Variants in ANKS1B observed in about 807,000 individuals in gnomAD.
ANKS1B encodes ankyrin repeat and sterile alpha motif domain-containing protein 1B.
A neutral mutation model predicts 148.3 loss-of-function variants in ANKS1B; 36 were observed. The observed-to-expected ratio is 0.24, with a 90% CI of 0.19 to 0.32. ANKS1B has a LOEUF of 0.32. Among genes scored for constraint, ANKS1B ranks in the 10% least tolerant of loss-of-function variants. The pLI is 1.00. For missense variants in ANKS1B, 1,157 were observed against 1,542.6 expected, an observed-to-expected ratio of 0.75 and a Z score of 4.19; for synonymous variants, 542 against 560.8, an observed-to-expected ratio of 0.97 and a Z score of 0.47.
At chr12:99,745,800 C>T (rs1381664339) in intron 8 of ANKS1B, among the ~76,000 whole-genome samples, 3 of 151,476 alleles carry the variant, frequency 2.0e-5, no homozygotes, top group Admixed American at 1.3e-4. Context: ...ATAAATTCAC[C>T]TTTCATATTA....
chr12:99,780,427 C>A (rs1043406141), intron 5 of ANKS1B, among the ~76,000 whole-genome samples: 1 of 148,316 alleles, frequency 6.7e-6, no homozygotes, highest in Non-Finnish European at 1.5e-5. Flanking sequence ...AGGTGCCCAC[C>A]ACCATGCCCA....
At chr12:99,684,893 G>T (rs1353857829) in intron 8 of ANKS1B, among the ~76,000 whole-genome samples, 1 of 151,538 alleles carries the variant, frequency 6.6e-6, no homozygotes, top group African/African-American at 2.4e-5. Context: ...AATGAAACTG[G>T]ATCCTCATCT....
chr12:99,753,016 T>TA (rs2061253231), intron 8 of ANKS1B, among the ~76,000 whole-genome samples: 6 of 152,150 alleles, frequency 3.9e-5, no homozygotes, highest in Admixed American at 3.9e-4. Flanking sequence ...GATTCATTGT[T>TA]AAACTGCATG....
At chr12:98,948,224 G>A (rs925293957) in intron 17 of ANKS1B, among the ~76,000 whole-genome samples, 1 of 152,046 alleles carries the variant, frequency 6.6e-6, no homozygotes, top group Non-Finnish European at 1.5e-5. Context: ...GTAATTGTTA[G>A]GACTCCTGCC....
intron 16 of ANKS1B, among the ~76,000 whole-genome samples, chr12:99,075,270 C>A (rs1782635116): frequency 6.6e-6 from 1 of 152,120 alleles, no homozygotes. Flanking sequence ...AATAGAACAT[C>A]CCAAGTGATC....
chr12:99,979,165 G>C (rs529060963), intron 1 of ANKS1B, among the ~76,000 whole-genome samples: 1 of 151,772 alleles, frequency 6.6e-6, no homozygotes, highest in Non-Finnish European at 1.5e-5. Context: ...AAGGAGGGAG[G>C]CAACTCAATT....
intron 1 of ANKS1B, among the ~76,000 whole-genome samples, chr12:99,971,242 C>T (rs2095554543): frequency 6.6e-6 from 1 of 152,154 alleles, no homozygotes; most frequent in African/African-American, 2.4e-5. Context: ...CTGCTTATGT[C>T]TTCAAAGTTT....
In ANKS1B at chr12:99,251,370, T is replaced by C. The variant is rs1170718938; in HGVS notation, c.1757-4506A>G. On this transcript the variant is annotated intron_variant, in intron 12 of 26. Coordinates refer to ENST00000683438, the MANE Select transcript of ANKS1B (RefSeq NM_001352186.2). ...TAATAATCATGTGGGATTTACTCCT[T>C]TGTTTCTGTTTGTATATTTTAAAAA... Among the ~76,000 whole-genome samples, 9 of 152,266 alleles carry C rather than the reference T, an allele frequency of 5.9e-5. 1 individual carries two copies. The highest frequency in any genetic ancestry group is 1.5e-5 in the Non-Finnish European group (1 of 68,046).
chr12:99,507,347 C>T (rs367732344), intron 9 of ANKS1B, among the ~76,000 whole-genome samples: 2 of 152,020 alleles, frequency 1.3e-5, no homozygotes, highest in East Asian at 3.9e-4. Context: ...TCGAAAACCA[C>T]TTTGAAATTT....
At chr12:99,762,864 A>G (rs1203184707) in intron 8 of ANKS1B, among the ~76,000 whole-genome samples, 1 of 152,044 alleles carries the variant, frequency 6.6e-6, no homozygotes, top group Non-Finnish European at 1.5e-5. Context: ...AAAAGAAGAT[A>G]TACATGCAGT....
At chr12:99,039,908 C>T (rs2099957865) in intron 17 of ANKS1B, among the ~76,000 whole-genome samples, 1 of 152,178 alleles carries the variant, frequency 6.6e-6, no homozygotes, top group Non-Finnish European at 1.5e-5. Context: ...ATGATCAGAT[C>T]AGACTAGTTC....
intron 8 of ANKS1B, among the ~76,000 whole-genome samples, chr12:99,691,546 T>C (rs968228595): frequency 3.9e-5 from 6 of 152,202 alleles, no homozygotes; most frequent in Middle Eastern, 3.2e-3. Flanking sequence ...CCAGTCTCTT[T>C]GCTAAAGCAT....
intron 12 of ANKS1B, among the ~76,000 whole-genome samples, chr12:99,273,905 G>T (rs1353873746): frequency 2.0e-5 from 3 of 151,900 alleles, no homozygotes. Flanking sequence ...TTTTTTTAAA[G>T]CTAATCAGCT....
chr12:99,161,198 GTTAT>G (rs2076621309), intron 14 of ANKS1B, among the ~76,000 whole-genome samples: 1 of 152,222 alleles, frequency 6.6e-6, no homozygotes, highest in South Asian at 2.1e-4. Context: ...TGAAACTGAG[GTTAT>G]TTGACACAGA....
intron 8 of ANKS1B, among the ~76,000 whole-genome samples, chr12:99,756,671 A>G (rs2061598548): frequency 6.6e-6 from 1 of 152,176 alleles, no homozygotes; most frequent in South Asian, 2.1e-4. Context: ...ACCCAATTTC[A>G]AACTATACTA....
At chr12:99,069,218 C>A (rs1242548189) in intron 16 of ANKS1B, among the ~76,000 whole-genome samples, 1 of 152,120 alleles carries the variant, frequency 6.6e-6, no homozygotes, top group African/African-American at 2.4e-5. Context: ...TACCTCTGAG[C>A]CTGCTGGGTC....
At chr12:99,965,651 C>T (rs1179035707) in intron 1 of ANKS1B, among the ~76,000 whole-genome samples, 4 of 152,126 alleles carry the variant, frequency 2.6e-5, no homozygotes, top group African/African-American at 4.8e-5. Flanking sequence ...GGGCCAGGCA[C>T]GGTGGCTCAC....
chr12:98,768,882 A>G (rs914444418), intron 25 of ANKS1B, among the ~76,000 whole-genome samples: 3 of 151,468 alleles, frequency 2.0e-5, no homozygotes, highest in Non-Finnish European at 4.4e-5. Context: ...TAGCTTCTGT[A>G]GGGGGGGCTC....
intron 11 of ANKS1B, among the ~76,000 whole-genome samples, chr12:99,414,668 CTG>C (rs1479205395): frequency 1.3e-5 from 2 of 152,144 alleles, no homozygotes; most frequent in African/African-American, 2.4e-5. Context: ...ACATCACACA[CTG>C]GGGCCTGTCC....
Sources: allele counts gnomAD v4.1 joint callset (sites outside exome capture counted in the v4.1 genomes callset), GRCh38; gene constraint gnomAD v4.1.1; transcripts MANE v1.5; gene names NCBI Gene and HGNC (gene_info 2026-07-23, HGNC 2026-07-21).